The following TTC17 variants were observed in gnomAD, a reference collection of about 807,000 sequenced individuals.
TTC17 encodes the protein tetratricopeptide repeat domain 17, also known as tetratricopeptide repeat protein 17.
Under a neutral mutation model 143.8 loss-of-function variants are expected in TTC17, and 58 were observed. The ratio of observed to expected loss-of-function variants is 0.40; its 90% CI spans 0.33 to 0.50. The LOEUF (loss-of-function observed/expected upper bound fraction) is 0.50. TTC17 is among the 20% of genes least tolerant of loss of function. TTC17 has a pLI of 0.49. For synonymous variants in TTC17, 501 were observed against 497.8 expected (o/e 1.01, Z -0.09); for missense variants, 1,273 against 1,392.5 (o/e 0.91, Z 1.37).
chr11:43,399,416 G>T (rs1192316236), intron 8 of TTC17, among the ~76,000 whole-genome samples: 1 of 152,122 alleles, frequency 6.6e-6, no homozygotes, highest in Non-Finnish European at 1.5e-5. Context: ...TGTAATCCCA[G>T]TTATTCTGGA....
intron 1 of TTC17, among the ~76,000 whole-genome samples, chr11:43,370,701 C>T (rs1253389680): frequency 6.6e-6 from 1 of 151,428 alleles, no homozygotes; most frequent in East Asian, 1.9e-4. Flanking sequence ...AAAACACAAA[C>T]AAGAAGAGAA....
At position 43,407,536 on chromosome 11, in the gene TTC17, A is replaced by C; in HGVS notation, c.2023A>C (p.Thr675Pro). The change falls in exon 15 of 24, where the codon ACT becomes CCT. Residue 675 changes from threonine to proline, a missense_variant. Physicochemically the swap from Thr to Pro is conservative, Grantham distance 38. Around this residue, in one of 3 missense-constraint regions of TTC17, gnomAD observed 878 missense variants for 899.8 expected, o/e 0.98. Transcript: ENST00000039989. ...TCATTACGGCCTTCATCTTGATGCC[A>C]CTAAGCTGCTACTTCAAGCTTTGGC... ...LIHYGLHLDA[T>P]KLLLQALAIN... The C allele has an allele frequency of 1.2e-6, 2 of 1,613,994 alleles. No homozygotes were observed. Among genetic ancestry groups the C allele is most frequent in the Non-Finnish European group, 1.7e-6 (2 of 1,179,964 alleles).
intron 1 of TTC17, among the ~76,000 whole-genome samples, chr11:43,378,277 A>T (rs1182627607): frequency 6.6e-6 from 1 of 152,168 alleles, no homozygotes; most frequent in Non-Finnish European, 1.5e-5. Context: ...TTTTTCTAAA[A>T]ATCTCATTTA....
intron 18 of TTC17, chr11:43,446,066 T>C: frequency 1.3e-6 from 2 of 1,513,732 alleles, no homozygotes; most frequent in Non-Finnish European, 1.8e-6. Flanking sequence ...TCCCATTGCC[T>C]ACAGGATAAA....
At chr11:43,424,874 T>G (rs1418843462) in intron 16 of TTC17, among the ~76,000 whole-genome samples, 2 of 152,210 alleles carry the variant, frequency 1.3e-5, no homozygotes, top group African/African-American at 2.4e-5. Flanking sequence ...CTAAGCCCTG[T>G]AAGCAAGAGG....
At position 43,405,831 on chromosome 11, in the gene TTC17, C is replaced by G; in HGVS notation, c.1641C>G (p.Ala547=). ...SSDDYSTEEE[A]QTPDCSITDF... Reference sequence around the variant, plus strand: ...ATGATTATTCTACAGAAGAAGAGGCCCAAACCCCTGACTGTTCCATAACTG... The same window carrying G: ...ATGATTATTCTACAGAAGAAGAGGCGCAAACCCCTGACTGTTCCATAACTG... The change falls in exon 13 of 24, where the codon GCC becomes GCG. Residue 547 remains alanine (A), a synonymous_variant. Transcript: ENST00000039989. 6.2e-7 allele frequency: 1 copy of G among 1,613,958 alleles called. No homozygotes were observed. Among genetic ancestry groups the G allele is most frequent in the Non-Finnish European group, 8.5e-7 (1 of 1,179,922 alleles).
intron 1 of TTC17, among the ~76,000 whole-genome samples, chr11:43,362,563 TGCAGGCA>T (rs1403990918): frequency 2.0e-5 from 3 of 152,178 alleles, no homozygotes; most frequent in African/African-American, 7.2e-5. Flanking sequence ...CTGGGGCTGC[TGCAGGCA>T]GCAGCTGGTG....
intron 1 of TTC17, among the ~76,000 whole-genome samples, chr11:43,377,519 G>A (rs1043115705): frequency 5.2e-4 from 79 of 152,260 alleles, no homozygotes; most frequent in African/African-American, 1.8e-3. Context: ...CAGAAAACAT[G>A]TATGTCAGGC....
chr11:43,453,548 C>T (rs1947706019), intron 21 of TTC17, among the ~76,000 whole-genome samples: 3 of 152,146 alleles, frequency 2.0e-5, no homozygotes, highest in Non-Finnish European at 4.4e-5. Context: ...AGACAAATTG[C>T]CATTAACATG....
At chr11:43,472,464 C>A (rs1311920565) in intron 21 of TTC17, among the ~76,000 whole-genome samples, 2 of 152,112 alleles carry the variant, frequency 1.3e-5, no homozygotes, top group Non-Finnish European at 2.9e-5. Context: ...ACAGACATTT[C>A]ATAATGATAA....
At chr11:43,391,426 CTCACCTTTTATTCAT>C in intron 3 of TTC17, 24 bp from the exon 4 acceptor site, 1 of 1,250,080 alleles carries the variant, frequency 8.0e-7, no homozygotes, top group Non-Finnish European at 1.2e-6. Context: ...TATTGTTTAT[CTCACCTTTTATTCAT>C]TCATTGCTTC....
At chr11:43,467,063 A>G (rs1947988502) in intron 21 of TTC17, among the ~76,000 whole-genome samples, 1 of 151,562 alleles carries the variant, frequency 6.6e-6, no homozygotes. Flanking sequence ...ATGATTATGA[A>G]ATAAAAACTA....
chr11:43,453,113 C>T (rs566400237), intron 21 of TTC17, among the ~76,000 whole-genome samples: 7 of 152,056 alleles, frequency 4.6e-5, no homozygotes, highest in African/African-American at 1.7e-4. Context: ...TTGGAAGGAG[C>T]AGCAAGAGGA....
At chr11:43,380,479 T>A (rs989481808) in intron 2 of TTC17, among the ~76,000 whole-genome samples, 2 of 152,190 alleles carry the variant, frequency 1.3e-5, no homozygotes, top group African/African-American at 4.8e-5. Flanking sequence ...GGTCTCAAAC[T>A]CCTGACCTCA....
At chr11:43,426,485 C>T (rs1386537557) in intron 16 of TTC17, among the ~76,000 whole-genome samples, 2 of 152,220 alleles carry the variant, frequency 1.3e-5, no homozygotes, top group Non-Finnish European at 2.9e-5. Context: ...TAATTCCATA[C>T]CCTTGAGGCA....
chr11:43,470,964 A>G (rs1205460107), intron 21 of TTC17, among the ~76,000 whole-genome samples: 2 of 152,152 alleles, frequency 1.3e-5, no homozygotes, highest in Non-Finnish European at 2.9e-5. Flanking sequence ...AATACTAGTC[A>G]TTATTTATTA....
chr11:43,397,173 G>T, intron 6 of TTC17, 174 bp from the exon 7 acceptor site: 1 of 651,802 alleles, frequency 1.5e-6, no homozygotes. Flanking sequence ...TTATTTTAGT[G>T]ACAAAATTTG....
chr11:43,455,081 A>T (rs1296692289), intron 21 of TTC17, among the ~76,000 whole-genome samples: 9 of 150,846 alleles, frequency 6.0e-5, no homozygotes, highest in Admixed American at 2.6e-4. Flanking sequence ...AGAATGCAAA[A>T]AATAATAATA....
rs1565169747 is a variant in TTC17 at position 43,444,039 on chromosome 11, ATG to A, written c.2512-15_2512-14del. 1 of 1,591,628 alleles carries A rather than the reference ATG, an allele frequency of 6.3e-7. No individual in the cohort carries two copies. Among genetic ancestry groups the A allele is most frequent in the Non-Finnish European group, 8.5e-7 (1 of 1,172,554 alleles). Reference sequence around the variant, plus strand: ...ATCACTGGTCTCATTTGTCCCTAACATGTTTCTGTTTCCCAGATTACATTCCA... The same window carrying A: ...ATCACTGGTCTCATTTGTCCCTAACATTTCTGTTTCCCAGATTACATTCCA... On this transcript the variant is annotated splice_polypyrimidine_tract_variant and intron_variant, in intron 17 of 23. Transcript: ENST00000039989.
Sources: allele counts gnomAD v4.1 joint callset (sites outside exome capture counted in the v4.1 genomes callset), GRCh38; gene constraint gnomAD v4.1.1; regional missense constraint gnomAD v4.1.1; transcripts MANE v1.5; gene names NCBI Gene and HGNC (gene_info 2026-07-23, HGNC 2026-07-21).